The following CHN2 variants were observed in gnomAD, a reference collection of about 807,000 sequenced individuals.
CHN2 encodes chimerin 2, also known as beta-chimaerin.
A neutral mutation model predicts 56.3 loss-of-function variants in CHN2; 35 were observed. The observed-to-expected ratio is 0.62, with a 90% confidence interval of 0.47 to 0.82. The LOEUF is 0.82. Among genes scored for constraint, CHN2 ranks in the 40% least tolerant of loss-of-function variants. The pLI, the probability that CHN2 is intolerant of heterozygous loss-of-function variation, is 0.00. For synonymous variants in CHN2, 210 were observed against 212.8 expected (o/e 0.99, Z 0.12); for missense variants, 491 against 580.5 (o/e 0.85, Z 1.58).
chr7:29,340,946 C>A (rs80200687), intron 1 of CHN2, among the ~76,000 whole-genome samples: 9,878 of 152,154 alleles, frequency 0.065, 444 homozygotes, highest in East Asian at 0.19. Flanking sequence ...TAGGAGAATG[C>A]AGCTGCTAGG....
At chr7:29,402,835 C>T (rs1802325534) in intron 6 of CHN2, among the ~76,000 whole-genome samples, 1 of 152,174 alleles carries the variant, frequency 6.6e-6, no homozygotes, top group South Asian at 2.1e-4. Flanking sequence ...TATCAGGAAA[C>T]TTGTACCTCA....
At chr7:29,346,445 T>C (rs10250787) in intron 1 of CHN2, among the ~76,000 whole-genome samples, 36,494 of 152,044 alleles carry the variant, frequency 0.24, 4,864 homozygotes, top group Non-Finnish European at 0.3. Flanking sequence ...GAAAAACCTG[T>C]TTTCACCCAA....
At chr7:29,261,412 C>T (rs532791586) in intron 1 of CHN2, among the ~76,000 whole-genome samples, 33 of 152,274 alleles carry the variant, frequency 2.2e-4, no homozygotes, top group Admixed American at 7.2e-4. Flanking sequence ...CCTGCTAGGA[C>T]GCTGGGATTT....
At chr7:29,470,712 A>G (rs1195565755) in intron 6 of CHN2, among the ~76,000 whole-genome samples, 1 of 152,214 alleles carries the variant, frequency 6.6e-6, no homozygotes, top group Non-Finnish European at 1.5e-5. Flanking sequence ...AGAAAATGCA[A>G]TTTGACAAAT....
chr7:29,303,328 G>A (rs183767497), intron 1 of CHN2, among the ~76,000 whole-genome samples: 1 of 152,358 alleles, frequency 6.6e-6, no homozygotes, highest in Admixed American at 6.5e-5. Context: ...GGGGCCTGCG[G>A]GAATCATTCA....
chr7:29,426,206 C>CAAAAAAAA (rs10630481), intron 6 of CHN2, among the ~76,000 whole-genome samples: 1 of 83,900 alleles, frequency 1.2e-5, no homozygotes, highest in Non-Finnish European at 2.3e-5. Context: ...GACTCTGTCT[C>CAAAAAAAA]AAAAAAAAAA....
chr7:29,416,623 C>T (rs932389410), intron 6 of CHN2, among the ~76,000 whole-genome samples: 5 of 152,148 alleles, frequency 3.3e-5, no homozygotes, highest in Non-Finnish European at 7.3e-5. Flanking sequence ...CAGGAGACAG[C>T]CGATGTTGCT....
chr7:29,429,897 G>A (rs1029353726), intron 6 of CHN2, among the ~76,000 whole-genome samples: 4 of 152,068 alleles, frequency 2.6e-5, no homozygotes, highest in Admixed American at 6.5e-5. Context: ...TTTAAGCTTC[G>A]TAGCTATATC....
At chr7:29,217,814 G>T (rs946031551) in intron 1 of CHN2, among the ~76,000 whole-genome samples, 1 of 152,154 alleles carries the variant, frequency 6.6e-6, no homozygotes, top group Non-Finnish European at 1.5e-5. Context: ...CCCTTGGGCA[G>T]CAGGTTGGAA....
chr7:29,306,903 A>G (rs1339485108), intron 1 of CHN2, among the ~76,000 whole-genome samples: 1 of 152,198 alleles, frequency 6.6e-6, no homozygotes, highest in African/African-American at 2.4e-5. Context: ...GTTTCCATCC[A>G]GTGGTGTGAA....
At chr7:29,504,699 A>C (rs1293471905) in intron 9 of CHN2, 45 bp from the exon 10 acceptor site, 1 of 1,139,574 alleles carries the variant, frequency 8.8e-7, no homozygotes. Context: ...TTTTTTTTAG[A>C]TGTTTCAAGA....
intron 1 of CHN2, among the ~76,000 whole-genome samples, chr7:29,214,893 T>C (rs1040013572): frequency 6.6e-6 from 1 of 152,184 alleles, no homozygotes; most frequent in Non-Finnish European, 1.5e-5. Flanking sequence ...GCCACCATGC[T>C]TGGCTTTGAG....
intron 1 of CHN2, among the ~76,000 whole-genome samples, chr7:29,271,068 A>C (rs1446210887): frequency 6.6e-6 from 1 of 152,198 alleles, no homozygotes; most frequent in Non-Finnish European, 1.5e-5. Flanking sequence ...CCCAGGATTC[A>C]AAACTCTGCC....
chr7:29,480,026 C>A, intron 6 of CHN2: 1 of 1,522,186 alleles, frequency 6.6e-7, no homozygotes. Flanking sequence ...TGCCGCCTAA[C>A]ATAAGCTGCG....
chr7:29,347,512 G>A (rs759975257), intron 1 of CHN2, among the ~76,000 whole-genome samples: 1 of 152,144 alleles, frequency 6.6e-6, no homozygotes, highest in African/African-American at 2.4e-5. Flanking sequence ...AAGGTGGCAA[G>A]GGAGAGAGAG....
At chr7:29,468,616 G>A (rs775165529) in intron 6 of CHN2, among the ~76,000 whole-genome samples, 2 of 151,988 alleles carry the variant, frequency 1.3e-5, no homozygotes, top group African/African-American at 2.4e-5. Flanking sequence ...TTGGCTCCCC[G>A]GTACTCCCAG....
chr7:29,401,868 G>T (rs1223940868), intron 6 of CHN2, among the ~76,000 whole-genome samples: 1 of 152,158 alleles, frequency 6.6e-6, no homozygotes, highest in African/African-American at 2.4e-5. Context: ...TGTGCCCCTT[G>T]AGGGACCATC....
chr7:29,426,585 T>C (rs1244928771), intron 6 of CHN2, among the ~76,000 whole-genome samples: 1 of 152,184 alleles, frequency 6.6e-6, no homozygotes, highest in Non-Finnish European at 1.5e-5. Flanking sequence ...TGGAGTTACC[T>C]TCACTACTAG....
At chr7:29,500,381 T>C (rs1311563206) in intron 9 of CHN2, among the ~76,000 whole-genome samples, 2 of 152,198 alleles carry the variant, frequency 1.3e-5, no homozygotes, top group African/African-American at 4.8e-5. Flanking sequence ...TCCCAACACT[T>C]TTTGGAAGCT....
Sources: gnomAD v4.1 joint callset for allele counts (sites outside exome capture counted in the v4.1 genomes callset) on GRCh38, gnomAD v4.1.1 for gene constraint, MANE v1.5 for transcripts, NCBI Gene and HGNC (gene_info 2026-07-23, HGNC 2026-07-21) for gene names.